ZNF83: variants seen among roughly 807,000 people sequenced by gnomAD.
ZNF83 encodes zinc finger protein 83, also known as zinc finger protein 816B.
For synonymous variants in ZNF83, 209 were observed against 213.0 expected (o/e 0.98, Z 0.17); for missense variants, 552 against 629.9 (o/e 0.88, Z 1.32).
chr19:52,633,928 C>T (rs2061057515), intron 2 of ZNF83, among the ~76,000 whole-genome samples: 1 of 151,794 alleles, frequency 6.6e-6, no homozygotes, highest in Admixed American at 6.6e-5. Context: ...AAATAAATAA[C>T]AAATATATAC....
chr19:52,681,613 G>C (rs1029758818), intron 1 of ZNF83, among the ~76,000 whole-genome samples: 8 of 152,078 alleles, frequency 5.3e-5, no homozygotes, highest in African/African-American at 1.9e-4. Flanking sequence ...ACACATACTA[G>C]GAAAATTACC....
intron 1 of ZNF83, among the ~76,000 whole-genome samples, chr19:52,677,306 TAAAAAAAA>T (rs67835464): frequency 3.8e-5 from 4 of 106,464 alleles, no homozygotes; most frequent in Admixed American, 1.1e-4. Flanking sequence ...AATTGAGAAG[TAAAAAAAA>T]AAAAAAAAAA....
intron 3 of ZNF83, among the ~76,000 whole-genome samples, chr19:52,643,826 G>C (rs1238960857): frequency 2.0e-5 from 3 of 152,234 alleles, no homozygotes; most frequent in Admixed American, 6.5e-5. Context: ...GAAAGGGACA[G>C]TGCTGTCATC....
intron 3 of ZNF83, chr19:52,654,183 A>C: frequency 6.2e-7 from 1 of 1,600,696 alleles, no homozygotes; most frequent in South Asian, 1.1e-5. Context: ...GGTCTGTACT[A>C]CCAGTCAACT....
chr19:52,660,776 TC>T, exon 2 of ZNF83: 1 of 214,118 alleles, frequency 4.7e-6, no homozygotes. Flanking sequence ...GGAAGAGCCA[TC>T]CTTGTCTCCT....
chr19:52,686,824 C>T (rs956894929), intron 1 of ZNF83, among the ~76,000 whole-genome samples: 6 of 152,192 alleles, frequency 3.9e-5, no homozygotes, highest in African/African-American at 7.2e-5. Flanking sequence ...TCTCTCACCT[C>T]GGTCTCCCAA....
intron 2 of ZNF83, among the ~76,000 whole-genome samples, chr19:52,627,260 C>A (rs926778258): frequency 1.3e-5 from 2 of 152,024 alleles, no homozygotes; most frequent in African/African-American, 4.8e-5. Context: ...AAATAAACAG[C>A]CTTGTTGCTC....
exon 3 of ZNF83, chr19:52,612,835 A>G: frequency 1.9e-6 from 1 of 539,528 alleles, no homozygotes; most frequent in Non-Finnish European, 3.2e-6. Context: ...TTACCTTAAG[A>G]CCTTGCCACA....
At chr19:52,667,064 A>T (rs1244173747) in intron 1 of ZNF83, among the ~76,000 whole-genome samples, 1 of 152,216 alleles carries the variant, frequency 6.6e-6, no homozygotes, top group Non-Finnish European at 1.5e-5. Context: ...AATAGCAAAG[A>T]ATTGAAATCC....
intron 2 of ZNF83, among the ~76,000 whole-genome samples, chr19:52,628,734 G>A (rs555244953): frequency 2.4e-4 from 37 of 151,922 alleles, no homozygotes; most frequent in African/African-American, 6.0e-4. Flanking sequence ...TGGGGGGCAA[G>A]AAACCCCAAC....
chr19:52,677,175 A>AAAAAAC (rs995944947), intron 1 of ZNF83, among the ~76,000 whole-genome samples: 3 of 151,854 alleles, frequency 2.0e-5, no homozygotes, highest in Non-Finnish European at 4.4e-5. Context: ...GATACAATCA[A>AAAAAAC]AAAAACAAAA....
chr19:52,671,484 C>T (rs909399644), intron 1 of ZNF83, among the ~76,000 whole-genome samples: 1 of 151,936 alleles, frequency 6.6e-6, no homozygotes, highest in Non-Finnish European at 1.5e-5. Context: ...AGTTCTGTCA[C>T]CCCGGCTGGA....
At chr19:52,621,267 C>T (rs2060532503) in intron 2 of ZNF83, among the ~76,000 whole-genome samples, 1 of 152,176 alleles carries the variant, frequency 6.6e-6, no homozygotes, top group South Asian at 2.1e-4. Context: ...TTTTTACTGT[C>T]TTCTCCAACT....
chr19:52,627,878 G>GATGA (rs1447849323), intron 2 of ZNF83, among the ~76,000 whole-genome samples: 1 of 152,102 alleles, frequency 6.6e-6, no homozygotes, highest in African/African-American at 2.4e-5. Flanking sequence ...TTCCTTAACT[G>GATGA]ATGACATTCC....
At chr19:52,636,821 G>GT (rs71304196) in intron 1 of ZNF83, 41,725 of 138,090 alleles carry the variant, frequency 0.3, 6,268 homozygotes, top group Middle Eastern at 0.37. Flanking sequence ...ATGCCCGGTT[G>GT]TTTTTTTTTT....
At chr19:52,667,074 C>G (rs191612813) in intron 1 of ZNF83, among the ~76,000 whole-genome samples, 78 of 151,848 alleles carry the variant, frequency 5.1e-4, no homozygotes, top group Middle Eastern at 3.4e-3. Flanking sequence ...AATTGAAATC[C>G]CAAACTTACA....
At chr19:52,665,112 A>T (rs1036337815) in intron 1 of ZNF83, among the ~76,000 whole-genome samples, 5 of 152,200 alleles carry the variant, frequency 3.3e-5, no homozygotes, top group Non-Finnish European at 7.3e-5. Flanking sequence ...AACCAATTAG[A>T]AATCCTCTCC....
chr19:52,685,966 A>T (rs1442220508), intron 1 of ZNF83, among the ~76,000 whole-genome samples: 1 of 151,982 alleles, frequency 6.6e-6, no homozygotes, highest in Non-Finnish European at 1.5e-5. Flanking sequence ...TGCCAATCCA[A>T]CCCATCTTTC....
At position 52,687,417 on chromosome 19, in the gene ZNF83, AATATAAAT is replaced by A. The variant is rs1568588178; in HGVS notation, c.-283+3018_-283+3025del. 5.3e-4 allele frequency among the ~76,000 whole-genome samples: 28 copies of A among 52,540 alleles called. 10 individuals are homozygous for A. Among genetic ancestry groups the A allele is most frequent in the African/African-American group, 3.0e-3 (28 of 9,270 alleles). The allele number at this position is 52,540 out of a possible 152,430, so 34.5% of individuals were successfully genotyped here. ...TAATTTATATAGCTATATAAATTAT[AATATAAAT>A]TATAATTTATATAGCTATATAAATT... On this transcript the variant is annotated intron_variant, in intron 1 of 5. Coordinates refer to the ZNF83 transcript ENST00000594682.
Sources: gnomAD v4.1 joint callset for allele counts (sites outside exome capture counted in the v4.1 genomes callset) on GRCh38, gnomAD v4.1.1 for gene constraint, MANE v1.5 for transcripts, NCBI Gene and HGNC (gene_info 2026-07-23, HGNC 2026-07-21) for gene names.